ZNF148: variants seen among roughly 807,000 people sequenced by gnomAD.
ZNF148 encodes the protein Beta-Enolase Repressor Factor-1.
In ZNF148, 7 loss-of-function variants were observed where a neutral mutation model predicts 67.7. That is an observed-to-expected ratio of 0.10 (90% CI 0.06 to 0.19). ZNF148 has a LOEUF of 0.19. Ranked by LOEUF, ZNF148 falls within the 10% of genes least tolerant of loss-of-function variation. The pLI, the probability that ZNF148 is intolerant of heterozygous loss-of-function variation, is 1.00. For synonymous variants in ZNF148, 333 were observed against 330.7 expected (o/e 1.01, Z -0.08); for missense variants, 583 against 947.1 (o/e 0.62, Z 5.05).
chr3:125,348,857 A>C (rs931551664), intron 1 of ZNF148, among the ~76,000 whole-genome samples: 1 of 152,198 alleles, frequency 6.6e-6, no homozygotes, highest in Non-Finnish European at 1.5e-5. Flanking sequence ...AAACACATTA[A>C]AACAGTATGG....
chr3:125,354,477 A>G (rs1051385281), intron 1 of ZNF148, among the ~76,000 whole-genome samples: 1 of 152,254 alleles, frequency 6.6e-6, no homozygotes, highest in Non-Finnish European at 1.5e-5. Flanking sequence ...TGCTTAAGCA[A>G]TCTGAAAATA....
intron 1 of ZNF148, among the ~76,000 whole-genome samples, chr3:125,351,683 A>C (rs892690044): frequency 6.6e-6 from 1 of 152,242 alleles, no homozygotes; most frequent in Admixed American, 6.5e-5. Context: ...CAGAACATAT[A>C]AAGAACTCTT....
Position 125,301,941 on chromosome 3 carries a change from G to A in ZNF148, c.333+11367C>T, listed in dbSNP as rs535406064. 2.6e-5 allele frequency among the ~76,000 whole-genome samples: 4 copies of A among 152,154 alleles called. No homozygotes were observed. In the East Asian group the frequency reaches 7.7e-4, roughly 29 times the overall value. On this transcript the variant is annotated intron_variant, in intron 4 of 8. Coordinates refer to ENST00000360647, the MANE Select transcript of ZNF148 (RefSeq NM_021964.3). The stretch of plus-strand genomic sequence containing the variant: ...TAGCCAGGCATGGTGGCGGGCATCT[G>A]GAATCCCAGTTACTTGGGAGGCTGA...
chr3:125,283,644 C>T (rs1382894241), intron 5 of ZNF148, among the ~76,000 whole-genome samples: 2 of 152,080 alleles, frequency 1.3e-5, no homozygotes, highest in Non-Finnish European at 2.9e-5. Context: ...TTCCTGTTTG[C>T]ATCCTCCGTC....
intron 4 of ZNF148, among the ~76,000 whole-genome samples, chr3:125,292,154 A>G (rs1939051481): frequency 6.6e-6 from 1 of 152,212 alleles, no homozygotes; most frequent in South Asian, 2.1e-4. Flanking sequence ...AAAGTCACAG[A>G]ACAGGACAGG....
intron 7 of ZNF148, among the ~76,000 whole-genome samples, chr3:125,240,705 A>G (rs1418600482): frequency 1.3e-5 from 2 of 150,042 alleles, no homozygotes; most frequent in Non-Finnish European, 3.0e-5. Context: ...TTGAGGCTGC[A>G]GTGAGCTGTG....
chr3:125,275,190 T>C (rs188825707), intron 7 of ZNF148, among the ~76,000 whole-genome samples: 15 of 152,304 alleles, frequency 9.8e-5, no homozygotes, highest in African/African-American at 3.6e-4. Context: ...GAGGGAACAA[T>C]AGGGCAGAAT....
intron 1 of ZNF148, among the ~76,000 whole-genome samples, chr3:125,364,173 C>A (rs1368268118): frequency 6.6e-6 from 1 of 152,060 alleles, no homozygotes; most frequent in Non-Finnish European, 1.5e-5. Context: ...CCGAGGTGGG[C>A]AGATCACTTG....
At chr3:125,285,558 A>C (rs1938612100) in intron 5 of ZNF148, among the ~76,000 whole-genome samples, 1 of 151,990 alleles carries the variant, frequency 6.6e-6, no homozygotes, top group Non-Finnish European at 1.5e-5. Flanking sequence ...TTTATTTAAA[A>C]AAAAAAAAAA....
At chr3:125,351,380 CAA>C (rs1158167448) in intron 1 of ZNF148, among the ~76,000 whole-genome samples, 4 of 51,352 alleles carry the variant, frequency 7.8e-5, no homozygotes, top group Non-Finnish European at 1.3e-4. Context: ...CCTTGTTTCT[CAA>C]AAAAAAAAAA....
chr3:125,232,748 G>T lies in ZNF148; in HGVS notation c.1978C>A (p.Arg660=). 1 of 1,613,820 alleles carries T rather than the reference G, an allele frequency of 6.2e-7. No homozygotes were observed. Among genetic ancestry groups the T allele is most frequent in the Non-Finnish European group, 8.5e-7 (1 of 1,179,810 alleles). The change falls in exon 9 of 9, where the codon CGA becomes AGA. Residue 660 remains arginine (R), a synonymous_variant. Transcript: ENST00000360647. The surrounding 1 kb of genome is among the most constrained non-coding windows in gnomAD (Gnocchi z 4.2). Reference sequence around the variant, plus strand: ...CTTAGTGGAGAATTCATTCCTGATCGAAAGCTATTGATGGGCATGGTGGCA... The same window carrying T: ...CTTAGTGGAGAATTCATTCCTGATCTAAAGCTATTGATGGGCATGGTGGCA... The part of the protein sequence containing the change: ...VYATMPINSF[R]SGMNSPLRTT...
At chr3:125,371,956 C>T (rs530302158) in intron 1 of ZNF148, among the ~76,000 whole-genome samples, 18 of 150,002 alleles carry the variant, frequency 1.2e-4, no homozygotes, top group South Asian at 2.1e-4. Flanking sequence ...CCCAGCTACT[C>T]GGGAGGCTGA....
chr3:125,246,059 C>A (rs1936585258), intron 7 of ZNF148, among the ~76,000 whole-genome samples: 1 of 151,786 alleles, frequency 6.6e-6, no homozygotes, highest in Non-Finnish European at 1.5e-5. Flanking sequence ...TCATTTTCTG[C>A]TGATTTTTTT....
chr3:125,295,676 C>A (rs551867079), intron 4 of ZNF148, among the ~76,000 whole-genome samples: 1 of 152,028 alleles, frequency 6.6e-6, no homozygotes, highest in African/African-American at 2.4e-5. Context: ...GGGATCATGC[C>A]GAACTTTGCT....
intron 2 of ZNF148, among the ~76,000 whole-genome samples, chr3:125,324,269 T>C (rs931891823): frequency 2.6e-5 from 4 of 152,074 alleles, no homozygotes; most frequent in East Asian, 1.9e-4. Context: ...AGAAACACAA[T>C]GGCAGGCCTT....
chr3:125,358,115 C>T (rs916568557), intron 1 of ZNF148, among the ~76,000 whole-genome samples: 2 of 152,128 alleles, frequency 1.3e-5, no homozygotes, highest in African/African-American at 4.8e-5. Context: ...AGTTCAAGAC[C>T]AGCCTATCCA....
At chr3:125,294,674 T>C (rs1939193733) in intron 4 of ZNF148, among the ~76,000 whole-genome samples, 3 of 152,154 alleles carry the variant, frequency 2.0e-5, no homozygotes, top group Non-Finnish European at 2.9e-5. Flanking sequence ...GGGGAAGACA[T>C]GGTCTCTAGC....
At chr3:125,344,598 T>A in intron 1 of ZNF148, 1 of 814,018 alleles carries the variant, frequency 1.2e-6, no homozygotes. Flanking sequence ...TGCCACCATT[T>A]AATCCTGTCA....
chr3:125,240,759 T>C (rs1232757720), intron 7 of ZNF148, among the ~76,000 whole-genome samples: 4 of 148,386 alleles, frequency 2.7e-5, no homozygotes. Context: ...TGCAAGATCC[T>C]GTCTGCAAAA....
Sources: gnomAD v4.1 joint callset for allele counts (sites outside exome capture counted in the v4.1 genomes callset) on GRCh38, gnomAD v4.1.1 for gene constraint, Gnocchi (gnomAD v3.1) non-coding constraint, MANE v1.5 for transcripts, NCBI Gene and HGNC (gene_info 2026-07-23, HGNC 2026-07-21) for gene names.